The following PGLYRP2 variants were observed in gnomAD, a reference collection of about 807,000 sequenced individuals.
PGLYRP2 encodes N-acetylmuramoyl-L-alanine amidase.
PGLYRP2 carries 38 observed loss-of-function variants against 46.2 expected under a neutral mutation model. The ratio of observed to expected loss-of-function variants is 0.82; its 90% CI spans 0.64 to 1.08. The LOEUF (loss-of-function observed/expected upper bound fraction) is 1.08. PGLYRP2 is among the 50% of genes least tolerant of loss of function. PGLYRP2 has a pLI of 0.00. For missense variants in PGLYRP2, 713 were observed against 755.9 expected (o/e 0.94, Z 0.67); for synonymous variants, 289 against 329.4 (o/e 0.88, Z 1.33).
intron 2 of PGLYRP2, 141 bp downstream of exon 2, chr19:15,475,397 T>G (rs1970783863): frequency 1.3e-6 from 1 of 760,376 alleles, no homozygotes; most frequent in Admixed American, 2.6e-5. Flanking sequence ...TCCTCACCTG[T>G]GCAGCTGTCC....
chr19:15,478,458 T>C (rs1970817417), intron 1 of PGLYRP2, among the ~76,000 whole-genome samples: 1 of 152,234 alleles, frequency 6.6e-6, no homozygotes, highest in Admixed American at 6.5e-5. Context: ...TGCAAGAAAG[T>C]AAATTTCTCT....
chr19:15,469,814 T>C lies in PGLYRP2; in HGVS notation c.1459A>G (p.Thr487Ala). ...GCGGCCTCGGTGGGCAGCGCCGCGGTGTAGTTGCCCACTATGGCCACGCCG... is the reference window on the plus strand; with the variant it reads ...GCGGCCTCGGTGGGCAGCGCCGCGGCGTAGTTGCCCACTATGGCCACGCCG... ...GFGVAIVGNY[T>A]AALPTEAALR... The change falls in exon 4 of 5, where the codon ACC becomes GCC. Residue 487 changes from threonine to alanine, a missense_variant. Physicochemically the swap from Thr to Ala is moderately conservative, Grantham distance 58. Transcript: ENST00000340880. The surrounding 1 kb of genome is among the most constrained non-coding windows in gnomAD (Gnocchi z 4.9). The C allele has an allele frequency of 1.3e-6, 2 of 1,526,324 alleles. No homozygotes were observed. The highest frequency in any genetic ancestry group is 1.7e-6 in the Non-Finnish European group (2 of 1,146,906). 94.5% of individuals were successfully genotyped at this position (1,526,324 alleles called of 1,614,324 possible).
In PGLYRP2 at chr19:15,475,508, A is replaced by G; in HGVS notation, c.1132+30T>C. The stretch of plus-strand genomic sequence containing the variant: ...GGGGGCGTCTGTGTCTGTAATGGGA[A>G]GGATCACAGGGTGTGGGGAACTTCC... On this transcript the variant is annotated intron_variant, in intron 2 of 4. Transcript: ENST00000340880. 1.3e-6 allele frequency: 2 copies of G among 1,541,450 alleles called. 1 individual carries two copies. Among genetic ancestry groups the G allele is most frequent in the South Asian group, 2.5e-5 (2 of 80,580 alleles).
intron 3 of PGLYRP2, among the ~76,000 whole-genome samples, chr19:15,471,436 A>T (rs2145515304): frequency 6.7e-6 from 1 of 149,704 alleles, no homozygotes; most frequent in South Asian, 2.1e-4. Context: ...TTTTGTTTGT[A>T]GAGATGGGTG....
rs733731 is a variant in PGLYRP2 at position 15,476,374 on chromosome 19, C to T, written c.296G>A (p.Arg99Gln). The part of the protein sequence containing the change: ...ELLGLTKEVA[R>Q]HDVREGKEYG... ...TTCCTTCCCTTCTCGTACGTCATGT[C>T]GGGCCACCTCCTTGGTCAGGCCTAA... Residue 99 changes from arginine (R) to glutamine (Q), a missense_variant, in exon 2 of 5, where the codon CGA becomes CAA. Transcript: ENST00000340880. 609,162 of 1,613,796 alleles carry T rather than the reference C, an allele frequency of 0.38. 116,199 individuals carry two copies. Among genetic ancestry groups the T allele is most frequent in the Non-Finnish European group, 0.39 (457,210 of 1,179,914 alleles).
chr19:15,470,946 C>T (rs543717062), intron 3 of PGLYRP2, among the ~76,000 whole-genome samples: 1 of 151,130 alleles, frequency 6.6e-6, no homozygotes, highest in South Asian at 2.1e-4. Context: ...TCCCGGCCTC[C>T]TTCTTCTTTT....
chr19:15,474,092 T>G (rs1207595063), intron 2 of PGLYRP2, among the ~76,000 whole-genome samples: 6 of 152,178 alleles, frequency 3.9e-5, no homozygotes, highest in Admixed American at 3.3e-4. Flanking sequence ...CCCCAGCACT[T>G]TGGGAGGCTG....
At position 15,469,716 on chromosome 19, in the gene PGLYRP2, C is replaced by A; in HGVS notation, c.1557G>T (p.Leu519=). The A allele has an allele frequency of 6.6e-7, 1 of 1,504,976 alleles. No homozygotes were observed. The highest frequency in any genetic ancestry group is 8.8e-7 in the Non-Finnish European group (1 of 1,132,608). The allele number at this position is 1,504,976 out of a possible 1,614,324, so 93.2% of individuals were successfully genotyped here. Residue 519 remains leucine (L), a synonymous_variant, in exon 4 of 5, where the codon CTG becomes CTT. Coordinates refer to ENST00000340880, the MANE Select transcript of PGLYRP2 (RefSeq NM_052890.4). This position sits in a 1 kb window ranked among gnomAD's most constrained non-coding sequence, Gnocchi z 4.9. ...RAGLLRPDYA[L]LGHRQLVRTD... The stretch of plus-strand genomic sequence containing the variant: ...TGCGCACCAGCTGGCGGTGGCCCAG[C>A]AGCGCGTAGTCTGGCCGCAGGAGGC...
At position 15,468,657 on chromosome 19, in the gene PGLYRP2, CT is replaced by C; in HGVS notation, c.*5del. On this transcript the variant is annotated 3_prime_UTR_variant, in exon 5 of 5. Coordinates refer to ENST00000340880, the MANE Select transcript of PGLYRP2 (RefSeq NM_052890.4). Reference sequence around the variant, plus strand: ...CATGAACAGAGACTTTGTTTCCATGCTGTCTTTATTGGAGGTCTGTGGCTGG... The same window carrying C: ...CATGAACAGAGACTTTGTTTCCATGCGTCTTTATTGGAGGTCTGTGGCTGG... 1.2e-6 allele frequency: 2 copies of C among 1,607,050 alleles called. No homozygotes were observed. Among genetic ancestry groups the C allele is most frequent in the Non-Finnish European group, 1.7e-6 (2 of 1,176,972 alleles).
Position 15,469,110 on chromosome 19 carries a change from A to G in PGLYRP2, c.1642-358T>C. The G allele has an allele frequency of 1.9e-6, 1 of 533,166 alleles. No homozygotes were observed. The highest frequency in any genetic ancestry group is 3.3e-6 in the Non-Finnish European group (1 of 300,642). 33.0% of individuals were successfully genotyped at this position (533,166 alleles called of 1,614,324 possible). A position where few individuals can be genotyped will look rare whatever the true frequency, so the allele number is the denominator to read the frequency against. Reference sequence around the variant, plus strand: ...CTCAGAGTTGAGATTGTCTGGACAGAGAATTGCAACACAGGATTAAGGACT... The same window carrying G: ...CTCAGAGTTGAGATTGTCTGGACAGGGAATTGCAACACAGGATTAAGGACT... On this transcript the variant is annotated intron_variant, in intron 4 of 4. Transcript: ENST00000340880. The surrounding 1 kb of genome is among the most constrained non-coding windows in gnomAD (Gnocchi z 4.9).
intron 2 of PGLYRP2, among the ~76,000 whole-genome samples, 166 bp from the exon 3 acceptor site, chr19:15,472,266 C>G (rs1478764521): frequency 2.0e-5 from 3 of 152,156 alleles, no homozygotes; most frequent in African/African-American, 4.8e-5. Context: ...TAACTATACT[C>G]AACTAAATCT....
Position 15,472,092 on chromosome 19 carries a change from C to T in PGLYRP2, c.1141G>A (p.Ala381Thr). 1 of 1,601,192 alleles carries T rather than the reference C, an allele frequency of 6.2e-7. No individual in the cohort carries two copies. ...CCCCAGCGGCAGCGGGGGTGGATGG[C>T]CGGGCATCCTACAGGCAAGGGGGTT... Reference protein sequence around the residue: ...EFTEAFLGCPAIHPRCRWGAA... With the variant: ...EFTEAFLGCPTIHPRCRWGAA... The change falls in exon 3 of 5, where the codon GCC becomes ACC. Residue 381 changes from alanine (A) to threonine (T), a missense_variant. Physicochemically the swap from Ala to Thr is moderately conservative, Grantham distance 58. Coordinates refer to ENST00000340880, the MANE Select transcript of PGLYRP2 (RefSeq NM_052890.4).
chr19:15,471,776 T>G lies in PGLYRP2; in HGVS notation c.1343+114A>C, dbSNP rs564823219. The stretch of plus-strand genomic sequence containing the variant: ...TGCTCTACCTATCAGGACTCCTCCT[T>G]GGTCTTGCCAGCTTTCCTCGGGTTC... On this transcript the variant is annotated intron_variant, in intron 3 of 4. Transcript: ENST00000340880. 6.4e-6 allele frequency: 8 copies of G among 1,245,618 alleles called. No homozygotes were observed. In the African/African-American group the frequency reaches 9.1e-5, roughly 14 times the overall value. 77.2% of individuals were successfully genotyped at this position (1,245,618 alleles called of 1,614,324 possible). A position where few individuals can be genotyped will look rare whatever the true frequency, so the allele number is the denominator to read the frequency against.
At chr19:15,468,948 C>A in intron 4 of PGLYRP2, 196 bp from the exon 5 acceptor site, 2 of 534,334 alleles carry the variant, frequency 3.7e-6, no homozygotes, top group Non-Finnish European at 6.7e-6. Context: ...ATGTAGGTAG[C>A]ACGAGATTGT....
chr19:15,469,859 C>A lies in PGLYRP2; in HGVS notation c.1414G>T (p.Gly472Cys), dbSNP rs1970727935. Residue 472 changes from glycine (G) to cysteine (C), a missense_variant, in exon 4 of 5, where the codon GGC (glycine) becomes TGC (cysteine). Transcript: ENST00000340880. This position sits in a 1 kb window ranked among gnomAD's most constrained non-coding sequence, Gnocchi z 4.9. ...ACGCCGAAGCCCCGGGAGTTGTGGC[C>A]GAGCGTGTGGGCGCCCACCCAGTGC... ...GWHWVGAHTL[G>C]HNSRGFGVAI... 1.3e-6 allele frequency: 2 copies of A among 1,509,480 alleles called. No individual in the cohort carries two copies. Among genetic ancestry groups the A allele is most frequent in the South Asian group, 1.3e-5 (1 of 78,544 alleles). The allele number at this position is 1,509,480 out of a possible 1,614,324, so 93.5% of individuals were successfully genotyped here. A position where few individuals can be genotyped will look rare whatever the true frequency, so the allele number is the denominator to read the frequency against.
chr19:15,470,859 G>T (rs1444041400), intron 3 of PGLYRP2, among the ~76,000 whole-genome samples: 1 of 151,622 alleles, frequency 6.6e-6, no homozygotes, highest in Admixed American at 6.6e-5. Flanking sequence ...GGCCAGGCTG[G>T]TCTGGAACTC....
At chr19:15,473,722 A>C (rs1301100271) in intron 2 of PGLYRP2, among the ~76,000 whole-genome samples, 1 of 151,916 alleles carries the variant, frequency 6.6e-6, no homozygotes, top group Non-Finnish European at 1.5e-5. Context: ...CAGAACGAAC[A>C]GACAACCTTC....
chr19:15,468,935 A>T, intron 4 of PGLYRP2, 183 bp from the exon 5 acceptor site: 1 of 550,074 alleles, frequency 1.8e-6, no homozygotes, highest in South Asian at 2.2e-5. Flanking sequence ...ATGGAGTGGC[A>T]GTATGTAGGT....
At chr19:15,479,065 T>A (rs1022808265) in intron 1 of PGLYRP2, among the ~76,000 whole-genome samples, 3 of 152,204 alleles carry the variant, frequency 2.0e-5, no homozygotes, top group African/African-American at 7.2e-5. Context: ...TCTTTCTTCC[T>A]AGCCTAGCTC....
Sources: allele counts gnomAD v4.1 joint callset (sites outside exome capture counted in the v4.1 genomes callset), GRCh38; gene constraint gnomAD v4.1.1; non-coding constraint Gnocchi (gnomAD v3.1); transcripts MANE v1.5; gene names NCBI Gene and HGNC (gene_info 2026-07-23, HGNC 2026-07-21).